The following CTNNA2 variants were observed in gnomAD, a reference collection of about 807,000 sequenced individuals.
CTNNA2 encodes catenin alpha-2.
CTNNA2 carries 42 observed loss-of-function variants against 101.0 expected under a neutral mutation model. The ratio of observed to expected loss-of-function variants is 0.42; its 90% confidence interval spans 0.32 to 0.54. The LOEUF is 0.54. Among genes scored for constraint, CTNNA2 ranks in the 20% least tolerant of loss-of-function variants. CTNNA2 has a pLI of 0.14. For synonymous variants in CTNNA2, 450 were observed against 456.4 expected, an observed-to-expected ratio of 0.99 and a Z score of 0.18; for missense variants, 871 against 1,223.1, an observed-to-expected ratio of 0.71 and a Z score of 4.29.
intron 7 of CTNNA2, among the ~76,000 whole-genome samples, chr2:80,316,574 C>G (rs1558999920): frequency 6.6e-6 from 1 of 152,082 alleles, no homozygotes; most frequent in Non-Finnish European, 1.5e-5. Flanking sequence ...GCTGGTCTCC[C>G]CTAGTTTGTT....
At chr2:80,558,115 G>A (rs1693206751) in intron 12 of CTNNA2, among the ~76,000 whole-genome samples, 1 of 152,138 alleles carries the variant, frequency 6.6e-6, no homozygotes. Context: ...GACTGAAATA[G>A]ACAGCTTATA....
chr2:79,338,244 T>TGAAAAAAAAAAA (rs1677040932), intron 3 of CTNNA2, among the ~76,000 whole-genome samples: 1 of 14,570 alleles, frequency 6.9e-5, no homozygotes, highest in African/African-American at 3.0e-4. Context: ...AGACTCCATC[T>TGAAAAAAAAAAA]CAAAAAAAAA....
chr2:79,602,449 A>T (rs2104094465), intron 1 of CTNNA2, among the ~76,000 whole-genome samples: 1 of 152,284 alleles, frequency 6.6e-6, no homozygotes, highest in Middle Eastern at 3.4e-3. Context: ...TTTCTTTAAA[A>T]TCAGGAGAAA....
In CTNNA2 at chr2:80,365,257, C is replaced by A. The variant is rs575159697; in HGVS notation, c.1057-27954C>A. On this transcript the variant is annotated intron_variant, in intron 7 of 18. Transcript: ENST00000402739. ...TGTTTCTAACATGAAATTCAAGGGA[C>A]TACTTCAAAGCCACTTGGAGAGTAG... is the stretch of plus-strand genomic sequence containing the variant. 1.6e-4 allele frequency among the ~76,000 whole-genome samples: 25 copies of A among 152,254 alleles called. 1 individual carries two copies. The highest frequency in any genetic ancestry group is 1.6e-3 in the Admixed American group (25 of 15,282).
intron 7 of CTNNA2, among the ~76,000 whole-genome samples, chr2:80,096,987 G>C (rs1217621404): frequency 1.3e-5 from 2 of 150,874 alleles, no homozygotes; most frequent in Non-Finnish European, 3.0e-5. Context: ...CTTTTAATTG[G>C]AGCATTTAGC....
rs551871915 is a variant in CTNNA2, at chr2:79,376,827, A to G, written c.-135+2814A>G. Among the ~76,000 whole-genome samples, 9 of 152,202 alleles carry G rather than the reference A, an allele frequency of 5.9e-5. No individual in the cohort carries two copies. The East Asian group carries it at 1.4e-3, about 23-fold the overall frequency. ...AAAGTACATGACCTTATCATTTTTTATGGCTGCATAGTATTCCATGGTGTA... is the reference window on the plus strand; with the variant it reads ...AAAGTACATGACCTTATCATTTTTTGTGGCTGCATAGTATTCCATGGTGTA... On this transcript the variant is annotated intron_variant, in intron 4 of 21. Coordinates refer to the CTNNA2 transcript ENST00000466387.
At chr2:80,491,193 A>T (rs1573023286) in intron 9 of CTNNA2, among the ~76,000 whole-genome samples, 1 of 152,174 alleles carries the variant, frequency 6.6e-6, no homozygotes, top group Non-Finnish European at 1.5e-5. Flanking sequence ...AGGCAAACTG[A>T]TTGTTTATCA....
intron 2 of CTNNA2, among the ~76,000 whole-genome samples, chr2:79,242,165 CA>C (rs1674635844): frequency 6.6e-6 from 1 of 152,242 alleles, no homozygotes; most frequent in South Asian, 2.1e-4. Context: ...CTCGGCCTCC[CA>C]AAGTGCTGGG....
Position 80,302,664 on chromosome 2 carries a change from G to C in CTNNA2, c.1057-90547G>C. 1.9e-6 allele frequency: 3 copies of C among 1,610,686 alleles called. No individual in the cohort carries two copies. The highest frequency in any genetic ancestry group is 2.5e-6 in the Non-Finnish European group (3 of 1,179,282). Reference sequence around the variant, plus strand: ...AGCGTGGTGGCCGAGCTGGCAGGGGGCCCCAGATCACTGCGGTTGGTGACG... The same window carrying C: ...AGCGTGGTGGCCGAGCTGGCAGGGGCCCCCAGATCACTGCGGTTGGTGACG... On this transcript the variant is annotated intron_variant, in intron 7 of 18. Transcript: ENST00000402739. This position sits in a 1 kb window ranked among gnomAD's most constrained non-coding sequence, Gnocchi z 6.4.
In CTNNA2 at chr2:80,264,281, G is replaced by A. The variant is rs147043597; in HGVS notation, c.1057-128930G>A. On this transcript the variant is annotated intron_variant, in intron 7 of 18. Transcript: ENST00000402739. The stretch of plus-strand genomic sequence containing the variant: ...AACGATATTGGAGGAGAAGGTTATA[G>A]CAAAATGATTTACAAATAGTAATTG... Among the ~76,000 whole-genome samples, 239 of 152,054 alleles carry A rather than the reference G, an allele frequency of 1.6e-3. 2 individuals are homozygous for A. The highest frequency in any genetic ancestry group is 5.5e-3 in the African/African-American group (228 of 41,472).
At chr2:80,528,650 T>C (rs1690249295) in intron 9 of CTNNA2, among the ~76,000 whole-genome samples, 1 of 152,118 alleles carries the variant, frequency 6.6e-6, no homozygotes. Flanking sequence ...TCATGGGTTC[T>C]ACCACATAGA....
intron 3 of CTNNA2, among the ~76,000 whole-genome samples, chr2:79,313,838 G>C (rs1676436420): frequency 6.6e-6 from 1 of 152,076 alleles, no homozygotes; most frequent in African/African-American, 2.4e-5. Flanking sequence ...GGGGGTAAGA[G>C]GGGAGAAGTG....
chr2:79,442,941 C>T (rs1678792100), intron 4 of CTNNA2, among the ~76,000 whole-genome samples: 1 of 152,132 alleles, frequency 6.6e-6, no homozygotes, highest in African/African-American at 2.4e-5. Flanking sequence ...TCATCAAAAA[C>T]TGGCACAACT....
chr2:80,372,393 G>T (rs1404980516), intron 7 of CTNNA2, among the ~76,000 whole-genome samples: 3 of 148,868 alleles, frequency 2.0e-5, no homozygotes, highest in Non-Finnish European at 4.4e-5. Context: ...TAAGCTGTTG[G>T]CTACTTTAGC....
intron 2 of CTNNA2, among the ~76,000 whole-genome samples, chr2:79,218,467 G>A (rs1021075197): frequency 6.6e-6 from 1 of 152,064 alleles, no homozygotes; most frequent in Admixed American, 6.5e-5. Flanking sequence ...ATAGGCGTGA[G>A]CCACTGCACA....
intron 7 of CTNNA2, among the ~76,000 whole-genome samples, chr2:80,360,292 G>T (rs562156364): frequency 2.0e-5 from 3 of 152,098 alleles, no homozygotes; most frequent in African/African-American, 7.2e-5. Context: ...TAACCATTTT[G>T]ATGGATAATT....
At chr2:79,838,721 A>T (rs770718160) in intron 3 of CTNNA2, among the ~76,000 whole-genome samples, 4 of 152,142 alleles carry the variant, frequency 2.6e-5, no homozygotes, top group Non-Finnish European at 5.9e-5. Context: ...AGTGTTGATT[A>T]TGATAGTGGC....
In CTNNA2 at chr2:79,796,690, T is replaced by G. The variant is rs181113459; in HGVS notation, c.298+52108T>G. The stretch of plus-strand genomic sequence containing the variant: ...CAGGTCCAGGGTTTCAAGCCAAATA[T>G]GTGAATCAGGTTGGGAAGAAAAATG... On this transcript the variant is annotated intron_variant, in intron 3 of 18. Transcript: ENST00000402739. Among the ~76,000 whole-genome samples, 300 of 152,214 alleles carry G rather than the reference T, an allele frequency of 2.0e-3. 1 individual carries two copies. Among genetic ancestry groups the G allele is most frequent in the South Asian group, 0.012 (59 of 4,824 alleles).
intron 9 of CTNNA2, among the ~76,000 whole-genome samples, chr2:80,419,921 G>A (rs1178928156): frequency 2.0e-5 from 3 of 149,072 alleles, no homozygotes; most frequent in African/African-American, 7.4e-5. Flanking sequence ...ATTTGAGGGA[G>A]TAAATTAAAA....
Sources: allele counts gnomAD v4.1 joint callset (sites outside exome capture counted in the v4.1 genomes callset), GRCh38; gene constraint gnomAD v4.1.1; non-coding constraint Gnocchi (gnomAD v3.1); transcripts MANE v1.5; gene names NCBI Gene and HGNC (gene_info 2026-07-23, HGNC 2026-07-21).